RYR3: variants seen among roughly 807,000 people sequenced by gnomAD.
RYR3 encodes brain ryanodine receptor-calcium release channel.
Under a neutral mutation model 584.3 loss-of-function variants are expected in RYR3, and 207 were observed. That is an observed-to-expected ratio of 0.35 (90% confidence interval 0.32 to 0.40). RYR3 has a LOEUF of 0.40. Ranked by LOEUF, RYR3 falls within the 10% of genes least tolerant of loss-of-function variation. The pLI is 1.00. For synonymous variants in RYR3, 2,416 were observed against 2,248.5 expected, an observed-to-expected ratio of 1.07 and a Z score of -2.11; for missense variants, 5,616 against 6,089.2, an observed-to-expected ratio of 0.92 and a Z score of 2.59.
intron 69 of RYR3, among the ~76,000 whole-genome samples, chr15:33,805,508 TGCTCTGTC>T (rs1334608656): frequency 6.7e-6 from 1 of 150,306 alleles, no homozygotes; most frequent in African/African-American, 2.5e-5. Flanking sequence ...GACGGAGTCC[TGCTCTGTC>T]GCCCAGGCTG....
chr15:33,581,431 A>G (rs982589540), intron 13 of RYR3, 77 bp from the exon 14 acceptor site: 115 of 1,421,948 alleles, frequency 8.1e-5, no homozygotes, highest in Non-Finnish European at 1.0e-4. Context: ...GGTGAATGAT[A>G]CAGGAGGGGA....
chr15:33,571,159 G>A (rs1389524193), intron 12 of RYR3, among the ~76,000 whole-genome samples: 2 of 152,086 alleles, frequency 1.3e-5, no homozygotes, highest in Non-Finnish European at 2.9e-5. Context: ...TCTAAGGTGG[G>A]GGTGGGGACA....
chr15:33,449,513 C>T (rs771121823), intron 1 of RYR3, among the ~76,000 whole-genome samples: 4 of 152,122 alleles, frequency 2.6e-5, no homozygotes, highest in Non-Finnish European at 4.4e-5. Flanking sequence ...TCACTGAAGG[C>T]TATTCAAGAG....
At position 33,636,501 on chromosome 15, in the gene RYR3, C is replaced by G. The variant is rs374544548; in HGVS notation, c.3507C>G (p.Ile1169Met). ...TCACACTGAATGGGGAGCTGCTGAT[C>G]ACCAACAAAGGCTCTGAACTTGCCT... ...MIFTLNGELLITNKGSELAFA... is the reference protein window; with the variant it reads ...MIFTLNGELLMTNKGSELAFA... Residue 1169 changes from isoleucine (I) to methionine (M), a missense_variant, in exon 27 of 104, where the codon ATC (isoleucine) becomes ATG (methionine). Ile to Met is a conservative substitution (Grantham distance 10). This residue lies in a region of RYR3 where 152 missense variants were observed against 200.9 expected (regional missense o/e 0.76). Transcript: ENST00000634891. 6.2e-7 allele frequency: 1 copy of G among 1,611,822 alleles called. No homozygotes were observed. The highest frequency in any genetic ancestry group is 1.7e-4 in the Middle Eastern group (1 of 6,048).
chr15:33,328,326 G>A (rs1969988199), intron 1 of RYR3, among the ~76,000 whole-genome samples: 1 of 152,102 alleles, frequency 6.6e-6, no homozygotes, highest in African/African-American at 2.4e-5. Context: ...GGAGTGCTTC[G>A]TCTGTTCCTT....
intron 1 of RYR3, chr15:33,465,609 A>G: frequency 2.2e-6 from 1 of 462,486 alleles, no homozygotes; most frequent in Non-Finnish European, 4.3e-6. Context: ...ATGGAAAGTG[A>G]TTGGAGGCTT....
chr15:33,609,989 G>A (rs1421568911), intron 18 of RYR3, among the ~76,000 whole-genome samples: 2 of 152,080 alleles, frequency 1.3e-5, no homozygotes, highest in Non-Finnish European at 2.9e-5. Context: ...TGAGGAAGTT[G>A]TTCCTCTTTC....
At chr15:33,642,508 C>T (rs1425793227) in intron 27 of RYR3, among the ~76,000 whole-genome samples, 1 of 152,146 alleles carries the variant, frequency 6.6e-6, no homozygotes, top group East Asian at 1.9e-4. Flanking sequence ...ATTCCTTGTC[C>T]CCATTTCTGT....
In RYR3 at chr15:33,569,110, T is replaced by C. The variant is rs574534306; in HGVS notation, c.1268+2311T>C. Among the ~76,000 whole-genome samples the C allele has an allele frequency of 2.6e-5, 4 of 152,326 alleles. No individual in the cohort carries two copies. The East Asian group carries it at 7.7e-4, about 29-fold the overall frequency. ...TAACACATTTTACTCATTTAGTTGA[T>C]GAACAGTTGATAGTTTCCATTTTGA... On this transcript the variant is annotated intron_variant, in intron 12 of 103. Transcript: ENST00000634891.
chr15:33,579,584 A>G (rs17817299), intron 12 of RYR3, among the ~76,000 whole-genome samples: 9,105 of 152,284 alleles, frequency 0.06, 412 homozygotes, highest in Non-Finnish European at 0.082. Flanking sequence ...TCTGCTATAG[A>G]TAGAAGAGTC....
At chr15:33,415,673 T>G (rs941934838) in intron 1 of RYR3, among the ~76,000 whole-genome samples, 4 of 152,038 alleles carry the variant, frequency 2.6e-5, no homozygotes, top group African/African-American at 9.7e-5. Flanking sequence ...TAGACTCAAT[T>G]TTATTTAGTT....
At chr15:33,578,613 G>C (rs186611500) in intron 12 of RYR3, among the ~76,000 whole-genome samples, 6 of 152,040 alleles carry the variant, frequency 3.9e-5, no homozygotes, top group East Asian at 1.9e-4. Context: ...GTCGAGGGGT[G>C]GGGGGTAGGA....
intron 1 of RYR3, among the ~76,000 whole-genome samples, chr15:33,378,495 T>C (rs1465396595): frequency 2.6e-5 from 4 of 152,222 alleles, no homozygotes; most frequent in Admixed American, 2.6e-4. Flanking sequence ...TTGAGGCTAA[T>C]GTGGTTGGTA....
At chr15:33,848,896 C>G (rs888702384) in intron 94 of RYR3, 1 of 130,594 alleles carries the variant, frequency 7.7e-6, no homozygotes, top group Non-Finnish European at 1.5e-5. Flanking sequence ...AGTGCAGTGG[C>G]GCGATCTCAG....
In RYR3 at chr15:33,390,357, A is replaced by G. The variant is rs949076600; in HGVS notation, c.51+79261A>G. Among the ~76,000 whole-genome samples the G allele has an allele frequency of 6.6e-6, 1 of 152,150 alleles. No homozygotes were observed. Reference sequence around the variant, plus strand: ...CCTGGGGGTCTCTAAATTTCACCTGACCTATTGAACACTAATATTTCCAAA... The same window carrying G: ...CCTGGGGGTCTCTAAATTTCACCTGGCCTATTGAACACTAATATTTCCAAA... On this transcript the variant is annotated intron_variant, in intron 1 of 103. Coordinates refer to ENST00000634891, the MANE Select transcript of RYR3 (RefSeq NM_001036.6). The surrounding 1 kb of genome is among the most constrained non-coding windows in gnomAD (Gnocchi z 4.2).
chr15:33,556,553 A>C lies in RYR3; in HGVS notation c.972+6237A>C, dbSNP rs1013500583. On this transcript the variant is annotated intron_variant, in intron 10 of 103. Coordinates refer to ENST00000634891, the MANE Select transcript of RYR3 (RefSeq NM_001036.6). Reference sequence around the variant, plus strand: ...AGGACTAACAAGAGCTTATACGATCATGATATTCCCTTTGACTCTTAGAAG... The same window carrying C: ...AGGACTAACAAGAGCTTATACGATCCTGATATTCCCTTTGACTCTTAGAAG... Among the ~76,000 whole-genome samples the C allele has an allele frequency of 1.1e-4, 17 of 152,368 alleles. No individual in the cohort carries two copies. In the East Asian group the frequency reaches 3.3e-3, roughly 29 times the overall value.
intron 21 of RYR3, among the ~76,000 whole-genome samples, chr15:33,628,804 C>A (rs1432041799): frequency 6.6e-6 from 1 of 152,184 alleles, no homozygotes. Context: ...AGAATACTCA[C>A]ATCTCTCCTT....
chr15:33,332,389 T>A (rs1290638181), intron 1 of RYR3, among the ~76,000 whole-genome samples: 2 of 152,066 alleles, frequency 1.3e-5, no homozygotes, highest in Admixed American at 1.3e-4. Flanking sequence ...ATGGGAAATG[T>A]TAACACTTAT....
chr15:33,765,895 G>C (rs1404655774), intron 60 of RYR3, among the ~76,000 whole-genome samples: 1 of 152,170 alleles, frequency 6.6e-6, no homozygotes, highest in Non-Finnish European at 1.5e-5. Context: ...TGCCTGTGTA[G>C]TATGATCTCC....
Sources: gnomAD v4.1 joint callset for allele counts (sites outside exome capture counted in the v4.1 genomes callset) on GRCh38, gnomAD v4.1.1 for gene constraint, gnomAD v4.1.1 regional missense constraint, Gnocchi (gnomAD v3.1) non-coding constraint, MANE v1.5 for transcripts, NCBI Gene and HGNC (gene_info 2026-07-23, HGNC 2026-07-21) for gene names.